SUPT3H: variants seen among roughly 807,000 people sequenced by gnomAD.
SUPT3H encodes transcription initiation protein SPT3 homolog.
Under a neutral mutation model 44.3 loss-of-function variants are expected in SUPT3H, and 44 were observed. The observed-to-expected ratio is 0.99, with a 90% CI of 0.78 to 1.28. The LOEUF (loss-of-function observed/expected upper bound fraction) is 1.28. Among genes scored for constraint, SUPT3H ranks in the 50% most tolerant of loss-of-function variants. SUPT3H has a pLI of 0.00. For missense variants in SUPT3H, 380 were observed against 387.1 expected (o/e 0.98, Z 0.15); for synonymous variants, 124 against 125.6 (o/e 0.99, Z 0.09).
At chr6:44,893,573 A>G (rs1430892026) in intron 10 of SUPT3H, among the ~76,000 whole-genome samples, 1 of 152,260 alleles carries the variant, frequency 6.6e-6, no homozygotes, top group Non-Finnish European at 1.5e-5. Context: ...ATGGCTGCAC[A>G]GTATTCCATG....
chr6:45,018,272 T>C (rs1204269847), intron 4 of SUPT3H, among the ~76,000 whole-genome samples: 1 of 152,172 alleles, frequency 6.6e-6, no homozygotes, highest in African/African-American at 2.4e-5. Context: ...TTTCTAGATA[T>C]ATAATCATGT....
chr6:45,150,724 T>TG (rs1226939678), intron 2 of SUPT3H, among the ~76,000 whole-genome samples: 2 of 138,106 alleles, frequency 1.4e-5, no homozygotes, highest in African/African-American at 2.7e-5. Flanking sequence ...TTCTGCGTTT[T>TG]TTTTTTTTTT....
At chr6:45,364,585 T>C (rs536565075) in intron 2 of SUPT3H, among the ~76,000 whole-genome samples, 227 of 152,276 alleles carry the variant, frequency 1.5e-3, no homozygotes, top group African/African-American at 5.2e-3. Context: ...TGCTACCTCT[T>C]ATCAAATCAA....
intron 5 of SUPT3H, among the ~76,000 whole-genome samples, chr6:45,007,734 CCA>C (rs1491186359): frequency 6.6e-6 from 1 of 150,394 alleles, no homozygotes; most frequent in Non-Finnish European, 1.5e-5. Flanking sequence ...GTATTCCCCC[CCA>C]CTTTTTTTTT....
chr6:44,900,586 A>T (rs1269329101), intron 10 of SUPT3H, among the ~76,000 whole-genome samples: 1 of 152,034 alleles, frequency 6.6e-6, no homozygotes, highest in Non-Finnish European at 1.5e-5. Flanking sequence ...TGTAGACTCC[A>T]CCTCTGGGGG....
At chr6:44,934,745 C>T (rs1019444814) in intron 9 of SUPT3H, among the ~76,000 whole-genome samples, 1 of 152,182 alleles carries the variant, frequency 6.6e-6, no homozygotes, top group South Asian at 2.1e-4. Flanking sequence ...TCACAAAACA[C>T]TGAATTTGCC....
chr6:45,295,131 G>A (rs551148962), intron 2 of SUPT3H, among the ~76,000 whole-genome samples: 1 of 152,190 alleles, frequency 6.6e-6, no homozygotes, highest in African/African-American at 2.4e-5. Flanking sequence ...AAACAGCGTG[G>A]TACTGGTAGA....
At chr6:45,084,583 G>T (rs1419014976) in intron 3 of SUPT3H, among the ~76,000 whole-genome samples, 1 of 152,122 alleles carries the variant, frequency 6.6e-6, no homozygotes, top group Non-Finnish European at 1.5e-5. Flanking sequence ...TAAAACAGAA[G>T]TATCATCTGA....
At chr6:44,906,221 C>T (rs994803691) in intron 10 of SUPT3H, among the ~76,000 whole-genome samples, 8 of 151,958 alleles carry the variant, frequency 5.3e-5, no homozygotes, top group African/African-American at 1.9e-4. Flanking sequence ...TAACAAAAGC[C>T]ATTATGCTTT....
chr6:44,822,982 G>A (rs1767446830), downstream of SUPT3H, among the ~76,000 whole-genome samples: 1 of 151,778 alleles, frequency 6.6e-6, no homozygotes, highest in Non-Finnish European at 1.5e-5. Context: ...GCTGGATGTG[G>A]TGGCGCATGC....
At chr6:45,283,884 G>A (rs1305856642) in intron 2 of SUPT3H, among the ~76,000 whole-genome samples, 2 of 152,124 alleles carry the variant, frequency 1.3e-5, no homozygotes, top group Admixed American at 6.6e-5. Context: ...ATAACAAACT[G>A]TCTCTCAGAC....
At chr6:45,065,794 G>A (rs1793186083) in intron 3 of SUPT3H, among the ~76,000 whole-genome samples, 1 of 151,600 alleles carries the variant, frequency 6.6e-6, no homozygotes, top group Non-Finnish European at 1.5e-5. Flanking sequence ...CCAATAACAG[G>A]AGCTGAAATT....
chr6:44,825,707 ACAT>A (rs149114573), downstream of SUPT3H, among the ~76,000 whole-genome samples: 1,742 of 152,362 alleles, frequency 0.011, 75 homozygotes, highest in East Asian at 0.086. Context: ...CTGACACAAT[ACAT>A]CATCATTTTT....
intron 2 of SUPT3H, among the ~76,000 whole-genome samples, chr6:45,137,074 G>A (rs569423083): frequency 3.3e-5 from 5 of 152,036 alleles, no homozygotes; most frequent in Non-Finnish European, 5.9e-5. Flanking sequence ...TTTTTAAAAA[G>A]TGAAGACAAG....
At chr6:45,227,057 C>T (rs1410659979) in intron 2 of SUPT3H, among the ~76,000 whole-genome samples, 2 of 150,436 alleles carry the variant, frequency 1.3e-5, no homozygotes, top group Non-Finnish European at 3.0e-5. Flanking sequence ...AAAGGTTTTG[C>T]TATTCTCAAA....
chr6:44,829,848 G>A lies in SUPT3H; in HGVS notation c.922C>T (p.Arg308Cys), dbSNP rs573709624. The A allele has an allele frequency of 2.0e-5, 33 of 1,613,048 alleles. No individual in the cohort carries two copies. In the African/African-American group the frequency reaches 2.9e-4, roughly 14 times the overall value. Reference protein sequence around the residue: ...GPLSPFTNAYRRNGMAFLAC With the variant: ...GPLSPFTNAYCRNGMAFLAC ...GCTAGAAAAGCCATCCCATTCCTGC[G>A]GTAGGCATTCTGTCAAAGAAAAAGA... The change falls in exon 11 of 11, where the codon CGC becomes TGC. Residue 308 changes from arginine to cysteine, a missense_variant. Arg to Cys is a radical substitution (Grantham distance 180). Coordinates refer to ENST00000371459, the MANE Select transcript of SUPT3H (RefSeq NM_003599.4).
At chr6:44,904,653 G>T (rs1032850542) in intron 10 of SUPT3H, among the ~76,000 whole-genome samples, 13 of 152,134 alleles carry the variant, frequency 8.5e-5, no homozygotes, top group African/African-American at 3.1e-4. Context: ...TTTCTTCACA[G>T]AATTGGAAAA....
intron 4 of SUPT3H, among the ~76,000 whole-genome samples, chr6:45,015,725 T>C (rs950768198): frequency 1.8e-4 from 27 of 152,062 alleles, no homozygotes; most frequent in African/African-American, 6.5e-4. Flanking sequence ...TTCTATAAAC[T>C]TTTTTCTACT....
intron 2 of SUPT3H, among the ~76,000 whole-genome samples, chr6:45,288,545 GTGTA>G (rs1194164447): frequency 2.1e-4 from 10 of 48,556 alleles, no homozygotes; most frequent in African/African-American, 6.4e-4. Flanking sequence ...GTGTGTGTGT[GTGTA>G]TATATATATA....
Sources: gnomAD v4.1 joint callset for allele counts (sites outside exome capture counted in the v4.1 genomes callset) on GRCh38, gnomAD v4.1.1 for gene constraint, MANE v1.5 for transcripts, NCBI Gene and HGNC (gene_info 2026-07-23, HGNC 2026-07-21) for gene names.